Variants in JCAD observed in about 807,000 individuals in gnomAD.
JCAD encodes junctional cadherin 5 associated.
In JCAD, 40 loss-of-function variants were observed where a neutral mutation model predicts 98.0. The observed-to-expected ratio is 0.41, with a 90% CI of 0.32 to 0.53. The LOEUF (loss-of-function observed/expected upper bound fraction) is 0.53, where lower values mean the gene tolerates loss of function less well. Among genes scored for constraint, JCAD ranks in the 20% least tolerant of loss-of-function variants. JCAD has a pLI of 0.31. For missense variants in JCAD, 1,705 were observed against 1,738.1 expected (o/e 0.98, Z 0.34); for synonymous variants, 691 against 682.3 (o/e 1.01, Z -0.20).
chr10:30,061,930 C>A (rs1837707988), upstream of JCAD, among the ~76,000 whole-genome samples: 1 of 152,088 alleles, frequency 6.6e-6, no homozygotes, highest in African/African-American at 2.4e-5. Context: ...ACCTAGGGAG[C>A]CAAGTATTCC....
At chr10:30,113,601 G>A (rs1838744208) in intron 1 of JCAD, among the ~76,000 whole-genome samples, 2 of 124,016 alleles carry the variant, frequency 1.6e-5, no homozygotes, top group Admixed American at 8.6e-5. Context: ...GAAGAAGGAA[G>A]CACAAAACAG....
chr10:30,043,551 T>C (rs1837281696), intron 2 of JCAD, among the ~76,000 whole-genome samples: 2 of 151,656 alleles, frequency 1.3e-5, no homozygotes, highest in Non-Finnish European at 2.9e-5. Context: ...CATTATCTCG[T>C]GTAGACAGGT....
chr10:30,027,157 C>T lies in JCAD; in HGVS notation c.2991G>A (p.Arg997=). ...PLPASYPAEP[R]EPQESPKITS... The stretch of plus-strand genomic sequence containing the variant: ...TGATTTTCGGACTTTCCTGGGGCTC[C>T]CTAGGTTCAGCTGGATAGGACGCGG... Residue 997 remains arginine (R), a synonymous_variant, in exon 3 of 4, where the codon AGG becomes AGA. Coordinates refer to ENST00000375377, the MANE Select transcript of JCAD (RefSeq NM_020848.4). The T allele has an allele frequency of 6.2e-7, 1 of 1,614,076 alleles. No homozygotes were observed. The highest frequency in any genetic ancestry group is 8.5e-7 in the Non-Finnish European group (1 of 1,179,966).
chr10:30,020,917 CACATT>C (rs2132603189), intron 3 of JCAD, among the ~76,000 whole-genome samples: 1 of 152,338 alleles, frequency 6.6e-6, no homozygotes, highest in East Asian at 1.9e-4. Context: ...GGCTAAGCCT[CACATT>C]ACATAACACT....
upstream of JCAD, among the ~76,000 whole-genome samples, chr10:30,063,784 C>G (rs1837740805): frequency 6.6e-6 from 1 of 151,834 alleles, no homozygotes; most frequent in African/African-American, 2.4e-5. Context: ...AAACTTAATC[C>G]CCAATGTGGC....
In JCAD at chr10:30,017,630, C is replaced by G; in HGVS notation, c.*253G>C. ...ATGAGGGAGGGTTTCTGTGAAAACT[C>G]CTTCCTAATTATAGGCATTAAATCT... On this transcript the variant is annotated 3_prime_UTR_variant, in exon 4 of 4. Transcript: ENST00000375377. 1.8e-6 allele frequency: 1 copy of G among 560,302 alleles called. No homozygotes were observed. Among genetic ancestry groups the G allele is most frequent in the Non-Finnish European group, 3.1e-6 (1 of 321,002 alleles). 34.7% of individuals were successfully genotyped at this position (560,302 alleles called of 1,614,324 possible). A position where few individuals can be genotyped will look rare whatever the true frequency, so the allele number is the denominator to read the frequency against.
chr10:30,105,545 A>G (rs898037874), intron 1 of JCAD, among the ~76,000 whole-genome samples: 5 of 152,042 alleles, frequency 3.3e-5, no homozygotes, highest in Non-Finnish European at 7.4e-5. Flanking sequence ...CCTGGTCTCG[A>G]ACTCCTGACC....
In JCAD at chr10:30,027,944, G is replaced by A. The variant is rs771884185; in HGVS notation, c.2204C>T (p.Ala735Val). 5.0e-6 allele frequency: 8 copies of A among 1,614,146 alleles called. No homozygotes were observed. In the Admixed American group the frequency reaches 5.0e-5, roughly 10 times the overall value. ...CTGTTTGTGATCACCGGTAGGGAATGCTGTGTGCGTCTGAGCTTCGGAGGC... is the reference window on the plus strand; with the variant it reads ...CTGTTTGTGATCACCGGTAGGGAATACTGTGTGCGTCTGAGCTTCGGAGGC... ...PAASEAQTHT[A>V]FPTGDHKQRP... Residue 735 changes from alanine (A) to valine (V), a missense_variant, in exon 3 of 4, where the codon GCA (alanine) becomes GTA (valine). Physicochemically the swap from Ala to Val is moderately conservative, Grantham distance 64. Around this residue, in one of 3 missense-constraint regions of JCAD, gnomAD observed 1,278 missense variants for 1,243.1 expected, o/e 1.03. Transcript: ENST00000375377.
chr10:30,039,575 G>A (rs546255235), intron 2 of JCAD, among the ~76,000 whole-genome samples: 1 of 152,206 alleles, frequency 6.6e-6, no homozygotes, highest in Non-Finnish European at 1.5e-5. Flanking sequence ...AAAATAGGCT[G>A]AGAAAACAAT....
upstream of JCAD, among the ~76,000 whole-genome samples, chr10:30,064,277 C>T (rs1837748843): frequency 6.6e-6 from 1 of 152,120 alleles, no homozygotes; most frequent in South Asian, 2.1e-4. Context: ...TGTGAGCATG[C>T]TCAGCCCCTC....
chr10:30,052,023 C>G (rs1018672118), intron 1 of JCAD, among the ~76,000 whole-genome samples: 1 of 152,218 alleles, frequency 6.6e-6, no homozygotes, highest in Non-Finnish European at 1.5e-5. Context: ...ATTTGTCCTT[C>G]CAAAGAACCT....
rs141348720 is a variant in JCAD at position 30,110,844 on chromosome 10, A to T, written n.128+4523T>A. Among the ~76,000 whole-genome samples, 448 of 151,332 alleles carry T rather than the reference A, an allele frequency of 3.0e-3. 2 individuals carry two copies. Among genetic ancestry groups the T allele is most frequent in the African/African-American group, 0.011 (434 of 41,194 alleles). The stretch of plus-strand genomic sequence containing the variant: ...TGCACCCACTCAGGTATGCACTAAC[A>T]GATATATGGGCCAGCTGATGTATAG... On this transcript the variant is annotated intron_variant and non_coding_transcript_variant, in intron 1 of 2. Coordinates refer to the JCAD transcript ENST00000465712.
rs1290092724 is a variant in JCAD at position 30,046,531 on chromosome 10, G to A, written c.281+1001C>T. ...GAATACAGAGCCCTTTTCACTCTCT[G>A]TAACCTGCAAAATATTGAATTGTGT... On this transcript the variant is annotated intron_variant, in intron 2 of 3. Coordinates refer to ENST00000375377, the MANE Select transcript of JCAD (RefSeq NM_020848.4). 6.6e-5 allele frequency among the ~76,000 whole-genome samples: 10 copies of A among 152,168 alleles called. No homozygotes were observed. The East Asian group carries it at 1.9e-3, about 29-fold the overall frequency.
chr10:30,065,191 T>C (rs1240301801), intron 2 of JCAD, among the ~76,000 whole-genome samples: 1 of 152,186 alleles, frequency 6.6e-6, no homozygotes, highest in Non-Finnish European at 1.5e-5. Context: ...GATATATCAG[T>C]ACGGTGTCTA....
At chr10:30,042,688 G>T (rs1479750120) in intron 2 of JCAD, among the ~76,000 whole-genome samples, 4 of 152,118 alleles carry the variant, frequency 2.6e-5, no homozygotes, top group African/African-American at 9.7e-5. Context: ...AATCCAGGGG[G>T]ACACCTTCTC....
At chr10:30,047,467 C>T in intron 2 of JCAD, 65 bp downstream of exon 2, 1 of 1,537,814 alleles carries the variant, frequency 6.5e-7, no homozygotes. Flanking sequence ...AAGAGTTTAC[C>T]TACACATCAC....
chr10:30,093,106 T>C lies in JCAD; in HGVS notation n.128+22261A>G, dbSNP rs561683495. On this transcript the variant is annotated intron_variant and non_coding_transcript_variant, in intron 1 of 2. Transcript: ENST00000465712. ...GAATAGAATAGACTATGGAAGGAAT[T>C]CAAAATTTGCAGATACACTAAGGTT... Among the ~76,000 whole-genome samples the C allele has an allele frequency of 2.0e-5, 3 of 152,240 alleles. No individual in the cohort carries two copies. In the South Asian group the frequency reaches 6.2e-4, roughly 32 times the overall value.
At chr10:30,039,482 G>A (rs1837197576) in intron 2 of JCAD, among the ~76,000 whole-genome samples, 1 of 152,126 alleles carries the variant, frequency 6.6e-6, no homozygotes, top group Non-Finnish European at 1.5e-5. Flanking sequence ...TGGGAGGGAT[G>A]AAATGAGATA....
chr10:30,069,251 G>C (rs1481545557), intron 2 of JCAD, among the ~76,000 whole-genome samples: 2 of 152,028 alleles, frequency 1.3e-5, no homozygotes, highest in Non-Finnish European at 2.9e-5. Context: ...CACCATAGGA[G>C]TGGGGGCCAA....
Sources: gnomAD v4.1 joint callset for allele counts (sites outside exome capture counted in the v4.1 genomes callset) on GRCh38, gnomAD v4.1.1 for gene constraint, gnomAD v4.1.1 regional missense constraint, MANE v1.5 for transcripts, NCBI Gene and HGNC (gene_info 2026-07-23, HGNC 2026-07-21) for gene names.